Variants in KDR observed in about 807,000 individuals in gnomAD.
The protein encoded by KDR is vascular endothelial growth factor receptor 2.
A neutral mutation model predicts 160.9 loss-of-function variants in KDR; 43 were observed. That is an observed-to-expected ratio of 0.27 (90% CI 0.21 to 0.34). The LOEUF (loss-of-function observed/expected upper bound fraction) is 0.34, where lower values mean the gene tolerates loss of function less well. Among genes scored for constraint, KDR ranks in the 10% least tolerant of loss-of-function variants. KDR has a pLI of 1.00. For synonymous variants in KDR, 617 were observed against 600.1 expected (o/e 1.03, Z -0.41); for missense variants, 1,469 against 1,666.4 (o/e 0.88, Z 2.06).
intron 6 of KDR, 146 bp downstream of exon 6, chr4:55,113,980 T>C (rs948922450): frequency 2.5e-6 from 2 of 801,484 alleles, no homozygotes; most frequent in Admixed American, 3.6e-5. Flanking sequence ...TGTGTGTGTG[T>C]ATGTGTGTGT....
In KDR at chr4:55,095,564, G is replaced by A; in HGVS notation, c.2817+13C>T. 1.9e-6 allele frequency: 3 copies of A among 1,566,570 alleles called. No homozygotes were observed. In the South Asian group the frequency reaches 3.3e-5, roughly 17 times the overall value. On this transcript the variant is annotated intron_variant, in intron 20 of 29. Transcript: ENST00000263923. ...TTATAACATGGCCAGAGCAGGATTAGGAGATGACATACCTTGTAGGGGACA... is the reference window on the plus strand; with the variant it reads ...TTATAACATGGCCAGAGCAGGATTAAGAGATGACATACCTTGTAGGGGACA...
At chr4:55,121,254 C>T in intron 1 of KDR, 64 bp from the exon 2 acceptor site, 1 of 1,105,334 alleles carries the variant, frequency 9.0e-7, no homozygotes, top group Non-Finnish European at 1.4e-6. Flanking sequence ...GAAACACCTT[C>T]CATAAACAAT....
At chr4:55,118,858 C>A (rs1031029723) in intron 2 of KDR, 58 bp from the exon 3 acceptor site, 1 of 1,447,962 alleles carries the variant, frequency 6.9e-7, no homozygotes, top group Non-Finnish European at 9.7e-7. Context: ...GAGGCTATTT[C>A]TAAGAAAAGA....
At position 55,118,669 on chromosome 4, in the gene KDR, G is replaced by C; in HGVS notation, c.293C>G (p.Thr98Ser). 6.2e-7 allele frequency: 1 copy of C among 1,614,162 alleles called. No homozygotes were observed. The highest frequency in any genetic ancestry group is 8.5e-7 in the Non-Finnish European group (1 of 1,180,004). Residue 98 changes from threonine (T) to serine (S), a missense_variant, in exon 3 of 30, where the codon ACT (threonine) becomes AGT (serine). Coordinates refer to ENST00000263923, the MANE Select transcript of KDR (RefSeq NM_002253.4). ...CCGGTAGAAGCACTTGTAGGCTCCA[G>C]TGTCATTTCCGATCACTTTTGGAAT... is the stretch of plus-strand genomic sequence containing the variant. ...LTIPKVIGND[T>S]GAYKCFYRET...
chr4:55,079,146 G>A lies in KDR; in HGVS notation c.*795C>T, dbSNP rs955580716. On this transcript the variant is annotated 3_prime_UTR_variant, in exon 30 of 30. Coordinates refer to ENST00000263923, the MANE Select transcript of KDR (RefSeq NM_002253.4). ...CTTGAGCTGAATGTCCTTTCTTTGT[G>A]GTATTCTGAATAAAGGATCAGCCTG... 2 of 233,202 alleles carry A rather than the reference G, an allele frequency of 8.6e-6. No individual in the cohort carries two copies. The highest frequency in any genetic ancestry group is 4.4e-5 in the African/African-American group (2 of 45,314). 14.4% of individuals were successfully genotyped at this position (233,202 alleles called of 1,614,324 possible).
intron 17 of KDR, 45 bp from the exon 18 acceptor site, chr4:55,097,811 T>A: frequency 7.4e-7 from 1 of 1,349,042 alleles, no homozygotes; most frequent in Non-Finnish European, 1.1e-6. Context: ...CTTGGATTAC[T>A]ATACAACCAA....
rs569403963 is a variant in KDR at position 55,115,479 on chromosome 4, T to C, written c.359-68A>G. 4.0e-4 allele frequency: 339 copies of C among 850,550 alleles called. 3 individuals carry two copies. The African/African-American group carries it at 5.4e-3, about 14-fold the overall frequency. 52.7% of individuals were successfully genotyped at this position (850,550 alleles called of 1,614,324 possible). A position where few individuals can be genotyped will look rare whatever the true frequency, so the allele number is the denominator to read the frequency against. On this transcript the variant is annotated intron_variant, in intron 3 of 29. Transcript: ENST00000263923. ...CTAGAAAAGTTGGTCATTTTTCAGG[T>C]TCCTAAACTCTAACCAGACAAGTGA...
chr4:55,108,703 C>A (rs1720502197), intron 9 of KDR, among the ~76,000 whole-genome samples: 1 of 151,786 alleles, frequency 6.6e-6, no homozygotes, highest in South Asian at 2.1e-4. Flanking sequence ...CTTCCTCCCT[C>A]CCTCCCTCTC....
chr4:55,112,284 G>A (rs1447518757), intron 7 of KDR, among the ~76,000 whole-genome samples: 1 of 151,978 alleles, frequency 6.6e-6, no homozygotes, highest in Admixed American at 6.6e-5. Flanking sequence ...TCAACGTGAA[G>A]ACAAGGATGA....
chr4:55,125,099 G>T, intron 1 of KDR, 128 bp downstream of exon 1: 1 of 902,660 alleles, frequency 1.1e-6, no homozygotes. Flanking sequence ...ACTGGTAAAT[G>T]AAAGATCGCA....
intron 21 of KDR, among the ~76,000 whole-genome samples, chr4:55,094,334 C>T (rs1720094560): frequency 6.6e-6 from 1 of 152,066 alleles, no homozygotes. Flanking sequence ...CTTGATAAGC[C>T]GCTTGGGGTA....
chr4:55,110,711 C>T lies in KDR; in HGVS notation c.1034G>A (p.Gly345Glu), dbSNP rs2110028040. ...CTTCGCAGGGATTCTGACACGCTCC[C>T]CCACCGTGGCTTCCACCAGAGATTC... ...GMESLVEATV[G>E]ERVRIPAKYL... is the part of the protein sequence containing the mutation. Residue 345 changes from glycine to glutamate, a missense_variant, in exon 8 of 30, where the codon GGG becomes GAG. By Grantham distance (98) the Gly-to-Glu change is moderately conservative (BLOSUM62 -2). Transcript: ENST00000263923. The T allele has an allele frequency of 6.2e-7, 1 of 1,613,722 alleles. No individual in the cohort carries two copies. The highest frequency in any genetic ancestry group is 8.5e-7 in the Non-Finnish European group (1 of 1,179,940).
chr4:55,082,589 T>C lies in KDR; in HGVS notation c.3709A>G (p.Lys1237Glu). 1 of 1,614,062 alleles carries C rather than the reference T, an allele frequency of 6.2e-7. No homozygotes were observed. Among genetic ancestry groups the C allele is most frequent in the Non-Finnish European group, 8.5e-7 (1 of 1,179,940 alleles). ...SKRKSRPVSVKTFEDIPLEEP... is the reference protein window; with the variant it reads ...SKRKSRPVSVETFEDIPLEEP... ...TCTAACGGGATATCTTCAAATGTTT[T>C]TACACTCACAGGCCGGCTCTTTCGC... The change falls in exon 28 of 30, where the codon AAA (lysine) becomes GAA (glutamate). Residue 1237 changes from lysine (K) to glutamate (E), a missense_variant. Physicochemically the swap from Lys to Glu is moderately conservative, Grantham distance 56. This residue lies in a region of KDR where 229 missense variants were observed against 197.8 expected (regional missense o/e 1.16). Coordinates refer to ENST00000263923, the MANE Select transcript of KDR (RefSeq NM_002253.4).
At chr4:55,086,832 G>T (rs1019829709) in intron 27 of KDR, among the ~76,000 whole-genome samples, 1 of 152,200 alleles carries the variant, frequency 6.6e-6, no homozygotes, top group South Asian at 2.1e-4. Context: ...GGGCTGGCAG[G>T]CTGGACCCAT....
intron 3 of KDR, among the ~76,000 whole-genome samples, chr4:55,117,929 ATG>A (rs1720774283): frequency 6.6e-6 from 1 of 152,190 alleles, no homozygotes; most frequent in Non-Finnish European, 1.5e-5. Context: ...AATGCAGAAT[ATG>A]TGTGACATTT....
intron 15 of KDR, among the ~76,000 whole-genome samples, chr4:55,101,343 G>A (rs941302139): frequency 6.6e-6 from 1 of 152,136 alleles, no homozygotes; most frequent in Non-Finnish European, 1.5e-5. Flanking sequence ...TATGTTTGCT[G>A]GTTAAAAGAA....
At position 55,105,950 on chromosome 4, in the gene KDR, G is replaced by A. The variant is rs1352319430; in HGVS notation, c.1537-10C>T. 1 of 1,572,384 alleles carries A rather than the reference G, an allele frequency of 6.4e-7. No individual in the cohort carries two copies. The highest frequency in any genetic ancestry group is 1.7e-5 in the Admixed American group (1 of 59,938). ...CAAGGGTACTTACAGTCTGTGCGGG[G>A]AAAAAACAAATCCCAGGCCATAAAC... On this transcript the variant is annotated splice_polypyrimidine_tract_variant and intron_variant, in intron 11 of 29. Coordinates refer to ENST00000263923, the MANE Select transcript of KDR (RefSeq NM_002253.4).
intron 22 of KDR, among the ~76,000 whole-genome samples, chr4:55,090,767 G>A (rs1190784105): frequency 6.6e-6 from 1 of 151,700 alleles, no homozygotes; most frequent in East Asian, 1.9e-4. Context: ...CCTACTACTC[G>A]GCAGCTTTAG....
intron 21 of KDR, 59 bp from the exon 22 acceptor site, chr4:55,092,773 T>A: frequency 8.3e-7 from 1 of 1,203,732 alleles, no homozygotes; most frequent in Non-Finnish European, 1.2e-6. Flanking sequence ...GTGATGTTTC[T>A]AAGTTTGCTA....
Sources: allele counts gnomAD v4.1 joint callset (sites outside exome capture counted in the v4.1 genomes callset), GRCh38; gene constraint gnomAD v4.1.1; regional missense constraint gnomAD v4.1.1; transcripts MANE v1.5; gene names NCBI Gene and HGNC (gene_info 2026-07-23, HGNC 2026-07-21).